Variants in TPST1 observed in about 807,000 individuals in gnomAD.
TPST1 encodes the protein protein-tyrosine sulfotransferase 1.
Under a neutral mutation model 34.8 loss-of-function variants are expected in TPST1, and 20 were observed. That is an observed-to-expected ratio of 0.57 (90% CI 0.40 to 0.84). The LOEUF (loss-of-function observed/expected upper bound fraction) is 0.84. Ranked by LOEUF, TPST1 falls within the 40% of genes least tolerant of loss-of-function variation. The pLI, the probability that TPST1 is intolerant of heterozygous loss-of-function variation, is 0.00. For synonymous variants in TPST1, 152 were observed against 159.4 expected (o/e 0.95, Z 0.35); for missense variants, 353 against 455.5 (o/e 0.78, Z 2.05).
intron 2 of TPST1, among the ~76,000 whole-genome samples, chr7:66,283,484 C>T (rs920700868): frequency 3.3e-5 from 5 of 152,036 alleles, no homozygotes; most frequent in Non-Finnish European, 5.9e-5. Flanking sequence ...TCAACTCTGC[C>T]GTTGTACTAC....
At position 66,360,262 on chromosome 7, in the gene TPST1, T is replaced by A; in HGVS notation, c.*397T>A. On this transcript the variant is annotated 3_prime_UTR_variant, in exon 6 of 6. Transcript: ENST00000304842. Reference sequence around the variant, plus strand: ...CCTTTTGAAATAGGTTGTCTGTACATGTTCTAATGTTTTGTAGAACACGTG... The same window carrying A: ...CCTTTTGAAATAGGTTGTCTGTACAAGTTCTAATGTTTTGTAGAACACGTG... The A allele has an allele frequency of 8.4e-6, 2 of 238,394 alleles. No homozygotes were observed. The highest frequency in any genetic ancestry group is 1.1e-4 in the South Asian group (2 of 17,452). 14.8% of individuals were successfully genotyped at this position (238,394 alleles called of 1,614,324 possible).
At chr7:66,203,240 A>T (rs963406245), upstream of TPST1, among the ~76,000 whole-genome samples, 189 of 145,758 alleles carry the variant, frequency 1.3e-3, 1 homozygote, top group African/African-American at 4.4e-3. Context: ...TATAATTATT[A>T]TTTTTTTTTT....
intron 2 of TPST1, among the ~76,000 whole-genome samples, chr7:66,277,114 A>G (rs996070241): frequency 6.6e-6 from 1 of 152,070 alleles, no homozygotes; most frequent in Admixed American, 6.6e-5. Flanking sequence ...TCACCATTGT[A>G]ATTAGCCCAA....
chr7:66,210,830 G>C (rs1789227039), intron 1 of TPST1, among the ~76,000 whole-genome samples: 1 of 152,144 alleles, frequency 6.6e-6, no homozygotes. Context: ...CCAGGCACAT[G>C]TGATGGCACA....
At chr7:66,254,619 G>A (rs1391353686) in intron 2 of TPST1, among the ~76,000 whole-genome samples, 1 of 152,052 alleles carries the variant, frequency 6.6e-6, no homozygotes, top group Non-Finnish European at 1.5e-5. Context: ...TTCCAGGCTG[G>A]TCTCAAACTA....
rs201716599 is a variant in TPST1, at chr7:66,241,168, G to A, written c.743G>A (p.Arg248Gln). 71 of 1,614,132 alleles carry A rather than the reference G, an allele frequency of 4.4e-5. No individual in the cohort carries two copies. The African/African-American group carries it at 7.6e-4, about 17-fold the overall frequency. Reference sequence around the variant, plus strand: ...GAACAACTTGTCTTACATCCTGAACGGTGGATGAGAACACTCTTAAAGTTC... The same window carrying A: ...GAACAACTTGTCTTACATCCTGAACAGTGGATGAGAACACTCTTAAAGTTC... ...HYEQLVLHPE[R>Q]WMRTLLKFLQ... The change falls in exon 2 of 6, where the codon CGG (arginine) becomes CAG (glutamine). Residue 248 changes from arginine (R) to glutamine (Q), a missense_variant. Arg to Gln is a conservative substitution (Grantham distance 43). Coordinates refer to ENST00000304842, the MANE Select transcript of TPST1 (RefSeq NM_003596.4).
At chr7:66,236,599 G>A (rs953064820) in intron 1 of TPST1, among the ~76,000 whole-genome samples, 8 of 152,032 alleles carry the variant, frequency 5.3e-5, no homozygotes, top group Non-Finnish European at 1.0e-4. Context: ...GATGTCTCAT[G>A]TCTCCCTAAA....
chr7:66,298,863 C>T (rs1487960053), intron 3 of TPST1, among the ~76,000 whole-genome samples: 1 of 152,060 alleles, frequency 6.6e-6, no homozygotes, highest in South Asian at 2.1e-4. Context: ...GTGGCTCACA[C>T]CTGTAATCCC....
intron 2 of TPST1, among the ~76,000 whole-genome samples, chr7:66,257,886 A>C (rs560043883): frequency 6.6e-6 from 1 of 152,330 alleles, no homozygotes; most frequent in South Asian, 2.1e-4. Context: ...CCCACCACAA[A>C]GGTTGTATTT....
intron 3 of TPST1, among the ~76,000 whole-genome samples, chr7:66,287,023 G>A (rs1791057516): frequency 1.0e-5 from 1 of 98,798 alleles, no homozygotes; most frequent in Non-Finnish European, 1.9e-5. Context: ...CCCCACCACA[G>A]TCCCCAGAGT....
chr7:66,331,929 A>T (rs1217401038), intron 3 of TPST1, among the ~76,000 whole-genome samples: 1 of 151,132 alleles, frequency 6.6e-6, no homozygotes, highest in Non-Finnish European at 1.5e-5. Flanking sequence ...GCCTTATGAG[A>T]CTCTAATGCC....
In TPST1 at chr7:66,296,267, G is replaced by T. The variant is rs900446894; in HGVS notation, c.1044+9558G>T. Reference sequence around the variant, plus strand: ...ACCCTTCCCCCCCCCCTCCCCCACCGTCTCTGCCTATCTTTAAAGTGACAG... The same window carrying T: ...ACCCTTCCCCCCCCCCTCCCCCACCTTCTCTGCCTATCTTTAAAGTGACAG... On this transcript the variant is annotated intron_variant, in intron 3 of 5. Coordinates refer to ENST00000304842, the MANE Select transcript of TPST1 (RefSeq NM_003596.4). 4.7e-5 allele frequency among the ~76,000 whole-genome samples: 2 copies of T among 42,136 alleles called. 1 individual carries two copies. The highest frequency in any genetic ancestry group is 1.7e-4 in the African/African-American group (2 of 11,500). 27.6% of individuals were successfully genotyped at this position (42,136 alleles called of 152,430 possible).
At chr7:66,203,550 A>G (rs757578149), upstream of TPST1, among the ~76,000 whole-genome samples, 2 of 151,614 alleles carry the variant, frequency 1.3e-5, no homozygotes, top group Non-Finnish European at 2.9e-5. Context: ...CAGTGGCACA[A>G]TCTTGGCTCA....
At position 66,332,151 on chromosome 7, in the gene TPST1, ATTGT is replaced by A. The variant is rs1792006551; in HGVS notation, c.1045-20351_1045-20348del. Among the ~76,000 whole-genome samples, 1 of 81,146 alleles carries A rather than the reference ATTGT, an allele frequency of 1.2e-5. No homozygotes were observed. The highest frequency in any genetic ancestry group is 5.5e-5 in the African/African-American group (1 of 18,064). 53.2% of individuals were successfully genotyped at this position (81,146 alleles called of 152,430 possible). A position where few individuals can be genotyped will look rare whatever the true frequency, so the allele number is the denominator to read the frequency against. On this transcript the variant is annotated intron_variant, in intron 3 of 5. Transcript: ENST00000304842. The surrounding 1 kb of genome is among the most constrained non-coding windows in gnomAD (Gnocchi z 4.5). ...ATCCCCTCTGCTGGTCCATGGAAAG[ATTGT>A]TTTTCACAAAACCGGCCCAAAGTTG...
At chr7:66,302,646 A>G (rs1272466198) in intron 3 of TPST1, among the ~76,000 whole-genome samples, 1 of 152,200 alleles carries the variant, frequency 6.6e-6, no homozygotes, top group Non-Finnish European at 1.5e-5. Context: ...CCAGACAGGC[A>G]ATTGATTCAA....
At chr7:66,344,536 C>G (rs1792303539) in intron 3 of TPST1, 1 of 152,218 alleles carries the variant, frequency 6.6e-6, no homozygotes, top group Non-Finnish European at 1.5e-5. Context: ...CCTCAGCCTC[C>G]AGAGTAGCTG....
chr7:66,281,597 G>A (rs564647654), intron 2 of TPST1, among the ~76,000 whole-genome samples: 1 of 152,252 alleles, frequency 6.6e-6, no homozygotes, highest in South Asian at 2.1e-4. Flanking sequence ...CATGACCTGA[G>A]CATTTTCTAA....
Position 66,316,110 on chromosome 7 carries a change from C to CAAAA in TPST1, c.1044+29414_1044+29417dup, listed in dbSNP as rs1020760097. Among the ~76,000 whole-genome samples, 271 of 91,824 alleles carry CAAAA rather than the reference C, an allele frequency of 3.0e-3. 1 individual carries two copies. Among genetic ancestry groups the CAAAA allele is most frequent in the African/African-American group, 0.011 (264 of 24,392 alleles). 60.2% of individuals were successfully genotyped at this position (91,824 alleles called of 152,430 possible). On this transcript the variant is annotated intron_variant, in intron 3 of 5. Coordinates refer to ENST00000304842, the MANE Select transcript of TPST1 (RefSeq NM_003596.4). ...GGGCAACAAGAGTGAAACTCCATCTCAAAAAAAAAAAAAAAATTCTGATTT... is the reference window on the plus strand; with the variant it reads ...GGGCAACAAGAGTGAAACTCCATCTCAAAAAAAAAAAAAAAAAAAATTCTGATTT...
rs10263593 is a variant in TPST1 at position 66,271,340 on chromosome 7, G to A, written c.846-15171G>A. Among the ~76,000 whole-genome samples the A allele has an allele frequency of 2.4e-3, 364 of 152,210 alleles. 4 individuals carry two copies. The highest frequency in any genetic ancestry group is 8.4e-3 in the African/African-American group (347 of 41,532). ...ACTACAGGTGCCCGCCGCCACGCCCGGCTAATTTTTGTATTTTTAGTAGAG... is the reference window on the plus strand; with the variant it reads ...ACTACAGGTGCCCGCCGCCACGCCCAGCTAATTTTTGTATTTTTAGTAGAG... On this transcript the variant is annotated intron_variant, in intron 2 of 5. Coordinates refer to ENST00000304842, the MANE Select transcript of TPST1 (RefSeq NM_003596.4).
Sources: allele counts gnomAD v4.1 joint callset (sites outside exome capture counted in the v4.1 genomes callset), GRCh38; gene constraint gnomAD v4.1.1; non-coding constraint Gnocchi (gnomAD v3.1); transcripts MANE v1.5; gene names NCBI Gene and HGNC (gene_info 2026-07-23, HGNC 2026-07-21).